Variants in PDXDC1 observed in about 807,000 individuals in gnomAD.
PDXDC1 encodes the protein pyridoxal-dependent decarboxylase domain-containing protein 1.
Under a neutral mutation model 100.1 loss-of-function variants are expected in PDXDC1, and 42 were observed. That is an observed-to-expected ratio of 0.42 (90% CI 0.33 to 0.54). The LOEUF (loss-of-function observed/expected upper bound fraction) is 0.54, where lower values mean the gene tolerates loss of function less well. Among genes scored for constraint, PDXDC1 ranks in the 20% least tolerant of loss-of-function variants. PDXDC1 has a pLI of 0.10. For missense variants in PDXDC1, 636 were observed against 979.2 expected, an observed-to-expected ratio of 0.65 and a Z score of 4.68; for synonymous variants, 260 against 371.7, an observed-to-expected ratio of 0.70 and a Z score of 3.46.
rs776844796 is a variant in PDXDC1, at chr16:15,033,335, T to C, written c.1748T>C (p.Val583Ala). Residue 583 changes from valine (V) to alanine (A), a missense_variant, in exon 19 of 23, where the codon GTC (valine) becomes GCC (alanine). Around this residue, in one of 4 missense-constraint regions of PDXDC1, gnomAD observed 452 missense variants for 402.9 expected, o/e 1.12. Transcript: ENST00000396410. ...TATGTCGGCATGGCGAGCGACAACG[T>C]CGATGCTGCTGAGCTCGTGGAGACC... ...CLYVGMASDN[V>A]DAAELVETIA... 2.5e-6 allele frequency: 4 copies of C among 1,614,128 alleles called. No individual in the cohort carries two copies. The highest frequency in any genetic ancestry group is 3.4e-6 in the Non-Finnish European group (4 of 1,180,016).
At chr16:15,151,455 ACAT>A in the PDXDC1 span, among the ~76,000 whole-genome samples, 1 of 85,398 alleles carries the variant, frequency 1.2e-5, no homozygotes, top group Non-Finnish European at 2.5e-5. Flanking sequence ...AAAAAAAAAG[ACAT>A]CAACTAATTG....
At chr16:15,083,738 C>A in intron 16 of PDXDC1, 2 of 985,668 alleles carry the variant, frequency 2.0e-6, no homozygotes, top group South Asian at 3.2e-5. Flanking sequence ...TTTTTTGAGA[C>A]GGAGTTTCGC....
At chr16:15,016,331 A>G (rs189306223) in intron 9 of PDXDC1, 118 bp downstream of exon 9, 6 of 1,513,830 alleles carry the variant, frequency 4.0e-6, no homozygotes, top group Admixed American at 5.1e-5. Context: ...TGGGTCACAG[A>G]TCACAAAATA....
chr16:15,027,848 T>C (rs1235736357), intron 14 of PDXDC1, among the ~76,000 whole-genome samples: 1 of 152,294 alleles, frequency 6.6e-6, no homozygotes, highest in Non-Finnish European at 1.5e-5. Context: ...TGGGCCAGCG[T>C]GGTCTTGGGA....
At chr16:15,148,715 C>T in the PDXDC1 span, among the ~76,000 whole-genome samples, 1 of 151,800 alleles carries the variant, frequency 6.6e-6, no homozygotes, top group Non-Finnish European at 1.5e-5. Context: ...GTTGTTGAAT[C>T]ATAGTGTTCC....
intron 16 of PDXDC1, among the ~76,000 whole-genome samples, chr16:15,124,541 G>A (rs1290879789): frequency 1.3e-5 from 2 of 151,302 alleles, no homozygotes; most frequent in East Asian, 1.9e-4. Flanking sequence ...TTGGGAGGCC[G>A]AGGTGGGCGG....
rs758012260 is a variant in PDXDC1 at position 15,006,348 on chromosome 16, A to G, written c.390-46A>G. 9 of 1,482,336 alleles carry G rather than the reference A, an allele frequency of 6.1e-6. No homozygotes were observed. In the African/African-American group the frequency reaches 8.3e-5, roughly 14 times the overall value. 91.8% of individuals were successfully genotyped at this position (1,482,336 alleles called of 1,614,324 possible). A position where few individuals can be genotyped will look rare whatever the true frequency, so the allele number is the denominator to read the frequency against. On this transcript the variant is annotated intron_variant, in intron 5 of 22. Transcript: ENST00000396410. ...CATGATTATAAGGTTGACTTATACA[A>G]TCCTTAACTAGAAATAAGAGCATAT...
At chr16:15,027,688 C>T (rs1486103823) in intron 14 of PDXDC1, among the ~76,000 whole-genome samples, 2 of 152,296 alleles carry the variant, frequency 1.3e-5, no homozygotes, top group East Asian at 1.9e-4. Context: ...TGCTGGCTTG[C>T]CGGGGCCTGT....
rs997472159 is a variant in PDXDC1, at chr16:15,037,794, G to A, written c.*1519G>A. 17 of 405,216 alleles carry A rather than the reference G, an allele frequency of 4.2e-5. No individual in the cohort carries two copies. Among genetic ancestry groups the A allele is most frequent in the East Asian group, 8.0e-5 (2 of 24,868 alleles). The allele number at this position is 405,216 out of a possible 1,614,324, so 25.1% of individuals were successfully genotyped here. On this transcript the variant is annotated 3_prime_UTR_variant, in exon 23 of 23. Transcript: ENST00000396410. ...AGGTTCTCCTCTGCCCGTTATTACCGACCAAAAAAAAAACTGGACATCAAT... is the reference window on the plus strand; with the variant it reads ...AGGTTCTCCTCTGCCCGTTATTACCAACCAAAAAAAAAACTGGACATCAAT...
rs764015167 is a variant in PDXDC1, at chr16:15,036,239, C to G, written c.2331C>G (p.Asp777Glu). ...FQKGVPHPED[D>E]HSQVEGPESL... ...AAGGGGTCCCACACCCAGAAGATGA[C>G]CACTCACAGGTAGAAGGACCGGAGA... The change falls in exon 23 of 23, where the codon GAC becomes GAG. Residue 777 changes from aspartate to glutamate, a missense_variant. By Grantham distance (45) the Asp-to-Glu change is conservative. Coordinates refer to ENST00000396410, the MANE Select transcript of PDXDC1 (RefSeq NM_015027.4). 1 of 1,613,964 alleles carries G rather than the reference C, an allele frequency of 6.2e-7. No individual in the cohort carries two copies. Among genetic ancestry groups the G allele is most frequent in the African/African-American group, 1.3e-5 (1 of 75,032 alleles).
At chr16:15,133,854 C>A in intron 16 of PDXDC1, 3 of 1,566,950 alleles carry the variant, frequency 1.9e-6, no homozygotes, top group Non-Finnish European at 2.6e-6. Context: ...TGGGAAGAGG[C>A]GGCAAGAGCC....
At chr16:15,068,560 C>T (rs2045080809) in intron 16 of PDXDC1, among the ~76,000 whole-genome samples, 1 of 152,288 alleles carries the variant, frequency 6.6e-6, no homozygotes, top group South Asian at 2.1e-4. Flanking sequence ...CATATGTTTG[C>T]AAGCTCAGTG....
chr16:15,076,408 G>T, intron 16 of PDXDC1: 1 of 669,066 alleles, frequency 1.5e-6, no homozygotes, highest in Non-Finnish European at 2.7e-6. Flanking sequence ...AAATGACATG[G>T]CAGCAAATTA....
intron 2 of PDXDC1, 103 bp from the exon 3 acceptor site, chr16:14,998,237 G>C (rs1427011138): frequency 3.6e-6 from 4 of 1,104,178 alleles, no homozygotes; most frequent in Non-Finnish European, 1.3e-6. Flanking sequence ...TCCTGCCTCA[G>C]TCACTGGGAG....
rs1262435178 is a variant in PDXDC1 at position 15,130,166 on chromosome 16, C to G, written c.1400-8713C>G. The G allele has an allele frequency of 1.3e-5, 20 of 1,511,458 alleles. No individual in the cohort carries two copies. The East Asian group carries it at 3.9e-4, about 30-fold the overall frequency. 93.6% of individuals were successfully genotyped at this position (1,511,458 alleles called of 1,614,324 possible). A position where few individuals can be genotyped will look rare whatever the true frequency, so the allele number is the denominator to read the frequency against. ...CCGAGCCCACCCAGGCCCTCCTCGA[C>G]TCTGCAGAGGCTCCCAGGAGCACAG... On this transcript the variant is annotated intron_variant, in intron 16 of 16. Coordinates refer to the PDXDC1 transcript ENST00000535621.
At chr16:15,034,431 C>T (rs772208618) in intron 20 of PDXDC1, 26 bp from the exon 21 acceptor site, 2 of 1,613,172 alleles carry the variant, frequency 1.2e-6, no homozygotes, top group African/African-American at 1.3e-5. Flanking sequence ...GGCCAGGTGG[C>T]CCTGAACTCT....
intron 16 of PDXDC1, among the ~76,000 whole-genome samples, chr16:15,043,789 A>G (rs1009034796): frequency 6.6e-6 from 1 of 152,080 alleles, no homozygotes; most frequent in Non-Finnish European, 1.5e-5. Context: ...TTCTACCAAA[A>G]ATACAAAAAT....
chr16:15,130,486 C>T (rs762371991), intron 16 of PDXDC1: 5 of 1,374,418 alleles, frequency 3.6e-6, no homozygotes, highest in South Asian at 1.2e-5. Flanking sequence ...GACGTGAGCC[C>T]AGGCTCCGCC....
At chr16:15,084,891 C>G (rs2045856506) in intron 16 of PDXDC1, among the ~76,000 whole-genome samples, 1 of 151,908 alleles carries the variant, frequency 6.6e-6, no homozygotes, top group Admixed American at 6.6e-5. Flanking sequence ...TATGGTGAAA[C>G]CCCATCTCTA....
Sources: gnomAD v4.1 joint callset for allele counts (sites outside exome capture counted in the v4.1 genomes callset) on GRCh38, gnomAD v4.1.1 for gene constraint, gnomAD v4.1.1 regional missense constraint, MANE v1.5 for transcripts, NCBI Gene and HGNC (gene_info 2026-07-23, HGNC 2026-07-21) for gene names.